NWD1: variants seen among roughly 807,000 people sequenced by gnomAD.
NWD1 encodes the protein NACHT and WD repeat domain containing 1, also known as NACHT domain- and WD repeat-containing protein 1.
A neutral mutation model predicts 135.1 loss-of-function variants in NWD1; 129 were observed. That is an observed-to-expected ratio of 0.96 (90% CI 0.83 to 1.11). The LOEUF is 1.11. NWD1 is among the 50% of genes least tolerant of loss of function. The probability of loss-of-function intolerance (pLI) is 0.00; values close to 1 mark genes in which losing one functional copy is unlikely to be tolerated. For missense variants in NWD1, 1,740 were observed against 1,851.3 expected (o/e 0.94, Z 1.10); for synonymous variants, 773 against 786.0 (o/e 0.98, Z 0.28).
At chr19:16,784,298 C>T (rs1196851641) in intron 12 of NWD1, among the ~76,000 whole-genome samples, 3 of 151,738 alleles carry the variant, frequency 2.0e-5, no homozygotes, top group South Asian at 2.1e-4. Flanking sequence ...CCTGGGAGAT[C>T]GAGGCTGCAG....
rs137911487 is a variant in NWD1, at chr19:16,787,355, C to T, written c.2732-1627C>T. On this transcript the variant is annotated intron_variant, in intron 12 of 18. Coordinates refer to ENST00000524140, the MANE Select transcript of NWD1 (RefSeq NM_001007525.5). ...ATCCTATAATTTTTCTAGAAGTTGCCCCTTTTTTACGTGGTTATTAATTTT... is the reference window on the plus strand; with the variant it reads ...ATCCTATAATTTTTCTAGAAGTTGCTCCTTTTTTACGTGGTTATTAATTTT... 1.5e-3 allele frequency among the ~76,000 whole-genome samples: 224 copies of T among 152,048 alleles called. 1 individual carries two copies. The highest frequency in any genetic ancestry group is 5.0e-3 in the African/African-American group (206 of 41,464).
At chr19:16,731,600 C>T (rs1231938206) in intron 3 of NWD1, among the ~76,000 whole-genome samples, 2 of 140,760 alleles carry the variant, frequency 1.4e-5, no homozygotes, top group South Asian at 2.3e-4. Context: ...CCACTGAGCC[C>T]AGCCCCATGC....
Position 16,812,671 on chromosome 19 carries a change from AAAAC to A in NWD1, c.4288-2329_4288-2326del, listed in dbSNP as rs200852831. 761 of 766,188 alleles carry A rather than the reference AAAAC, an allele frequency of 9.9e-4. 2 individuals carry two copies. The highest frequency in any genetic ancestry group is 1.3e-3 in the Admixed American group (77 of 58,070). The allele number at this position is 766,188 out of a possible 1,614,324, so 47.5% of individuals were successfully genotyped here. A position where few individuals can be genotyped will look rare whatever the true frequency, so the allele number is the denominator to read the frequency against. On this transcript the variant is annotated intron_variant, in intron 18 of 18. Coordinates refer to ENST00000524140, the MANE Select transcript of NWD1 (RefSeq NM_001007525.5). ...GCAACAAGAGTGAAACTCCATCTCA[AAAAC>A]AAACAAACAAACAAACAAACAAACA...
chr19:16,754,154 A>G (rs971594645), intron 6 of NWD1, among the ~76,000 whole-genome samples: 13 of 146,100 alleles, frequency 8.9e-5, no homozygotes, highest in Non-Finnish European at 1.3e-4. Flanking sequence ...TCCGTCCATC[A>G]TCTCTATCTT....
intron 16 of NWD1, 115 bp from the exon 17 acceptor site, chr19:16,799,771 G>T (rs1213287075): frequency 2.2e-6 from 2 of 901,608 alleles, no homozygotes; most frequent in Non-Finnish European, 3.4e-6. Flanking sequence ...GCCTCCCAAA[G>T]TGTTGGGATT....
chr19:16,791,977 G>T (rs1443167813), intron 14 of NWD1, among the ~76,000 whole-genome samples: 1 of 152,132 alleles, frequency 6.6e-6, no homozygotes, highest in South Asian at 2.1e-4. Context: ...GCCTCCCAGA[G>T]TACTGGGATT....
intron 2 of NWD1, chr19:16,727,511 C>A (rs1358618081): frequency 1.3e-5 from 2 of 152,548 alleles, no homozygotes; most frequent in African/African-American, 4.8e-5. Flanking sequence ...TCTCTGAGCC[C>A]CACGCCCTTT....
Position 16,737,943 on chromosome 19 carries a change from C to T in NWD1, c.198+1193C>T, listed in dbSNP as rs188569420. Among the ~76,000 whole-genome samples the T allele has an allele frequency of 7.6e-3, 1,037 of 136,210 alleles. 12 individuals are homozygous for T. Among genetic ancestry groups the T allele is most frequent in the African/African-American group, 0.029 (980 of 33,626 alleles). The allele number at this position is 136,210 out of a possible 152,430, so 89.4% of individuals were successfully genotyped here. On this transcript the variant is annotated intron_variant, in intron 4 of 18. Coordinates refer to ENST00000524140, the MANE Select transcript of NWD1 (RefSeq NM_001007525.5). ...TCATGCCACTGTACTCCAGCCTGGG[C>T]GACAGAGCAAGACTCTATCTCGAAA...
intron 13 of NWD1, among the ~76,000 whole-genome samples, chr19:16,790,787 C>G (rs1210177066): frequency 2.0e-5 from 3 of 151,874 alleles, no homozygotes; most frequent in African/African-American, 7.3e-5. Context: ...TGAAGTGATA[C>G]CACTTGGACA....
rs944685836 is a variant in NWD1 at position 16,815,365 on chromosome 19, G to A, written c.*326G>A. 3 of 685,716 alleles carry A rather than the reference G, an allele frequency of 4.4e-6. No homozygotes were observed. The highest frequency in any genetic ancestry group is 3.6e-5 in the African/African-American group (2 of 55,320). 42.5% of individuals were successfully genotyped at this position (685,716 alleles called of 1,614,324 possible). A position where few individuals can be genotyped will look rare whatever the true frequency, so the allele number is the denominator to read the frequency against. ...ATAAAAAAACCCTGTGGGGGTATGG[G>A]GCTCCAGTGAGTTAGCCCCATTTAA... On this transcript the variant is annotated 3_prime_UTR_variant, in exon 19 of 19. Coordinates refer to ENST00000524140, the MANE Select transcript of NWD1 (RefSeq NM_001007525.5).
intron 13 of NWD1, among the ~76,000 whole-genome samples, chr19:16,790,646 TAAATAAATA>T (rs1568383312): frequency 1.7e-4 from 20 of 118,492 alleles, no homozygotes; most frequent in Middle Eastern, 7.8e-3. Context: ...AAAAAATAAA[TAAATAAATA>T]AATAAATAAA....
intron 2 of NWD1, among the ~76,000 whole-genome samples, chr19:16,728,646 T>C (rs1285807120): frequency 2.0e-5 from 3 of 151,084 alleles, no homozygotes; most frequent in Admixed American, 2.0e-4. Flanking sequence ...AATGGACACA[T>C]AAATTAAGTA....
At chr19:16,726,346 G>A (rs919174623) in intron 2 of NWD1, among the ~76,000 whole-genome samples, 1 of 152,166 alleles carries the variant, frequency 6.6e-6, no homozygotes, top group African/African-American at 2.4e-5. Context: ...GCTGGCTCAA[G>A]AGATCCTCCT....
intron 12 of NWD1, among the ~76,000 whole-genome samples, chr19:16,784,854 G>A (rs1400960860): frequency 2.0e-5 from 3 of 150,104 alleles, no homozygotes; most frequent in African/African-American, 5.0e-5. Flanking sequence ...ACTTGAACCC[G>A]GGGGGCGGAG....
intron 10 of NWD1, among the ~76,000 whole-genome samples, chr19:16,767,167 CTTTTTTTTTTTTTTT>C (rs56324724): frequency 1.5e-5 from 1 of 66,972 alleles, no homozygotes; most frequent in Non-Finnish European, 3.0e-5. Flanking sequence ...AGAGGTGCGT[CTTTTTTTTTTTTTTT>C]TTTTTTTTTT....
chr19:16,780,300 C>T (rs375074899), intron 12 of NWD1, among the ~76,000 whole-genome samples: 1 of 151,996 alleles, frequency 6.6e-6, no homozygotes, highest in Non-Finnish European at 1.5e-5. Context: ...GGACTACAGG[C>T]GCCCGCCACC....
intron 17 of NWD1, among the ~76,000 whole-genome samples, chr19:16,801,934 T>C (rs761697644): frequency 6.6e-6 from 1 of 151,920 alleles, no homozygotes; most frequent in African/African-American, 2.4e-5. Flanking sequence ...AACAGGAAGA[T>C]TGCTTGAGGC....
Position 16,736,659 on chromosome 19 carries a change from G to A in NWD1, c.107G>A (p.Arg36Gln), listed in dbSNP as rs866532965. 2.7e-5 allele frequency: 41 copies of A among 1,535,580 alleles called. No individual in the cohort carries two copies. The highest frequency in any genetic ancestry group is 1.2e-4 in the African/African-American group (9 of 73,032). ...FEVVDLRWGIRNIEATDHLTT... is the reference protein window; with the variant it reads ...FEVVDLRWGIQNIEATDHLTT... ...GTCGTTGATCTGAGGTGGGGTATTC[G>A]GAACATTGAAGCCACTGACCACTTG... is the stretch of plus-strand genomic sequence containing the variant. The change falls in exon 4 of 19, where the codon CGG (arginine) becomes CAG (glutamine). Residue 36 changes from arginine (R) to glutamine (Q), a missense_variant. Physicochemically the swap from Arg to Gln is conservative, Grantham distance 43 (BLOSUM62 1). Transcript: ENST00000524140.
In NWD1 at chr19:16,789,861, G is replaced by A. The variant is rs113106202; in HGVS notation, c.2940+671G>A. Among the ~76,000 whole-genome samples, 577 of 152,094 alleles carry A rather than the reference G, an allele frequency of 3.8e-3. 4 individuals are homozygous for A. The highest frequency in any genetic ancestry group is 0.013 in the African/African-American group (540 of 41,520). On this transcript the variant is annotated intron_variant, in intron 13 of 18. Transcript: ENST00000524140. ...GGCTCCTGAATAGCTGGGACTACAG[G>A]CGCACGCCACCACGCCCAGCTAATT...
Sources: gnomAD v4.1 joint callset for allele counts (sites outside exome capture counted in the v4.1 genomes callset) on GRCh38, gnomAD v4.1.1 for gene constraint, MANE v1.5 for transcripts, NCBI Gene and HGNC (gene_info 2026-07-23, HGNC 2026-07-21) for gene names.